MINK1: variants seen among roughly 807,000 people sequenced by gnomAD.
MINK1 encodes the protein misshapen-like kinase 1.
A neutral mutation model predicts 178.4 loss-of-function variants in MINK1; 46 were observed. The observed-to-expected ratio is 0.26, with a 90% confidence interval of 0.20 to 0.33. The LOEUF is 0.33. Among genes scored for constraint, MINK1 ranks in the 10% least tolerant of loss-of-function variants. The pLI, the probability that MINK1 is intolerant of heterozygous loss-of-function variation, is 1.00. For missense variants in MINK1, 1,366 were observed against 1,814.9 expected, an observed-to-expected ratio of 0.75 and a Z score of 4.49; for synonymous variants, 797 against 709.7, an observed-to-expected ratio of 1.12 and a Z score of -1.96.
Position 4,847,177 on chromosome 17 carries a change from T to C in MINK1, c.57+13537T>C, listed in dbSNP as rs1440722543. On this transcript the variant is annotated intron_variant, in intron 1 of 31. Transcript: ENST00000355280. ...TTTGCCTTTGAGGCAATGTGATCCA[T>C]GGAGTGAACATGGCATGAGGAGCCG... is the stretch of plus-strand genomic sequence containing the variant. The C allele has an allele frequency of 6.2e-6, 3 of 485,090 alleles. 1 individual carries two copies. In the Admixed American group the frequency reaches 6.4e-5, roughly 10 times the overall value. The allele number at this position is 485,090 out of a possible 1,614,324, so 30.0% of individuals were successfully genotyped here. A position where few individuals can be genotyped will look rare whatever the true frequency, so the allele number is the denominator to read the frequency against.
At chr17:4,869,827 T>TTATTTATG (rs1401606304) in intron 1 of MINK1, among the ~76,000 whole-genome samples, 1 of 149,482 alleles carries the variant, frequency 6.7e-6, no homozygotes, top group Non-Finnish European at 1.5e-5. Flanking sequence ...ATTTGTTTAT[T>TTATTTATG]TATTTATTTA....
rs1423552144 is a variant in MINK1 at position 4,896,213 on chromosome 17, C to G, written c.3486C>G (p.His1162Gln). The change falls in exon 29 of 32, where the codon CAC becomes CAG. Residue 1162 changes from histidine (H) to glutamine (Q), a missense_variant. Transcript: ENST00000355280. This position sits in a 1 kb window ranked among gnomAD's most constrained non-coding sequence, Gnocchi z 4.6. ...MAFKSFADLP[H>Q]RPLLVDLTVE... The stretch of plus-strand genomic sequence containing the variant: ...TGCAGTCCTTTGCCGACCTCCCCCA[C>G]CGCCCTCTGCTGGTCGACCTGACAG... The G allele has an allele frequency of 5.0e-6, 8 of 1,599,328 alleles. No homozygotes were observed. In the East Asian group the frequency reaches 1.8e-4, roughly 36 times the overall value.
intron 19 of MINK1, 66 bp downstream of exon 19, chr17:4,892,834 T>C: frequency 2.7e-6 from 4 of 1,477,032 alleles, no homozygotes; most frequent in Non-Finnish European, 3.7e-6. Flanking sequence ...ACCCTGCCTT[T>C]GGTGGCTTTG....
rs769863519 is a variant in MINK1 at position 4,896,645 on chromosome 17, C to T, written c.3776-29C>T. On this transcript the variant is annotated intron_variant, in intron 30 of 31. Coordinates refer to ENST00000355280, the MANE Select transcript of MINK1 (RefSeq NM_153827.5). This position sits in a 1 kb window ranked among gnomAD's most constrained non-coding sequence, Gnocchi z 4.6. ...CCCCGAGGTGGCCCCGGGGTGCAGC[C>T]TGCTCAGCCCCTCACCTGTTCCCCA... is the stretch of plus-strand genomic sequence containing the variant. 12 of 1,607,734 alleles carry T rather than the reference C, an allele frequency of 7.5e-6. No homozygotes were observed. Among genetic ancestry groups the T allele is most frequent in the South Asian group, 2.2e-5 (2 of 90,296 alleles).
chr17:4,848,132 G>A (rs972646039), intron 1 of MINK1, among the ~76,000 whole-genome samples: 6 of 152,144 alleles, frequency 3.9e-5, no homozygotes, highest in African/African-American at 7.2e-5. Flanking sequence ...CTCCAGAGAC[G>A]GTTTCCTGAG....
Position 4,886,700 on chromosome 17 carries a change from C to T in MINK1, c.949+74C>T, listed in dbSNP as rs1968241072. Reference sequence around the variant, plus strand: ...GGCTCCTCTCTGCCAGCCCTGCTCGCTCCTGGCACCCCTTCCTGCTCCCCT... The same window carrying T: ...GGCTCCTCTCTGCCAGCCCTGCTCGTTCCTGGCACCCCTTCCTGCTCCCCT... On this transcript the variant is annotated intron_variant, in intron 10 of 31. Coordinates refer to ENST00000355280, the MANE Select transcript of MINK1 (RefSeq NM_153827.5). The surrounding 1 kb of genome is among the most constrained non-coding windows in gnomAD (Gnocchi z 6.1). 1.4e-6 allele frequency: 2 copies of T among 1,414,480 alleles called. No individual in the cohort carries two copies. Among genetic ancestry groups the T allele is most frequent in the Non-Finnish European group, 1.9e-6 (2 of 1,069,412 alleles). 87.6% of individuals were successfully genotyped at this position (1,414,480 alleles called of 1,614,324 possible).
intron 16 of MINK1, 130 bp from the exon 17 acceptor site, chr17:4,892,019 A>C: frequency 1.2e-6 from 1 of 825,762 alleles, no homozygotes; most frequent in Non-Finnish European, 2.0e-6. Flanking sequence ...GGACGTATTC[A>C]CTAACTCCCC....
At chr17:4,862,015 C>T (rs1050926851) in intron 1 of MINK1, among the ~76,000 whole-genome samples, 7 of 152,072 alleles carry the variant, frequency 4.6e-5, no homozygotes, top group African/African-American at 1.2e-4. Context: ...AGTGTGAGGC[C>T]GCCTAATTCT....
At chr17:4,837,289 A>G (rs1909457658) in intron 1 of MINK1, among the ~76,000 whole-genome samples, 1 of 152,206 alleles carries the variant, frequency 6.6e-6, no homozygotes, top group Non-Finnish European at 1.5e-5. Flanking sequence ...TTTTGCACAT[A>G]ATGGGGGCTC....
intron 1 of MINK1, among the ~76,000 whole-genome samples, chr17:4,872,582 C>G (rs1915982642): frequency 6.6e-6 from 1 of 152,024 alleles, no homozygotes. Flanking sequence ...ACCAGTTTGA[C>G]CAACATGGTA....
At chr17:4,891,225 C>CACA (rs1555541451) in intron 15 of MINK1, 101 bp downstream of exon 15, 128 of 1,153,934 alleles carry the variant, frequency 1.1e-4, no homozygotes, top group Non-Finnish European at 1.4e-4. Flanking sequence ...CACACACACA[C>CACA]CTGCTCAGCC....
At chr17:4,870,611 A>G (rs931979299) in intron 1 of MINK1, among the ~76,000 whole-genome samples, 1 of 151,650 alleles carries the variant, frequency 6.6e-6, no homozygotes, top group Non-Finnish European at 1.5e-5. Flanking sequence ...GATCACTTGA[A>G]CTCAGGAGTT....
intron 1 of MINK1, among the ~76,000 whole-genome samples, chr17:4,857,956 TG>T (rs1012004961): frequency 1.1e-4 from 16 of 152,094 alleles, no homozygotes; most frequent in African/African-American, 3.9e-4. Context: ...CTTAAATTGT[TG>T]GGGAGACCCC....
At chr17:4,888,034 G>A (rs1039973334) in intron 12 of MINK1, among the ~76,000 whole-genome samples, 1 of 152,156 alleles carries the variant, frequency 6.6e-6, no homozygotes, top group Non-Finnish European at 1.5e-5. Context: ...TGGCCAACAT[G>A]GTGAAACCCC....
At chr17:4,884,855 T>TA in intron 5 of MINK1, 57 bp from the exon 6 acceptor site, 1 of 1,489,506 alleles carries the variant, frequency 6.7e-7, no homozygotes, top group South Asian at 1.2e-5. Flanking sequence ...ACTCCCCACT[T>TA]ACTCTTTCCT....
At chr17:4,851,709 T>G (rs1911985529) in intron 1 of MINK1, among the ~76,000 whole-genome samples, 2 of 152,078 alleles carry the variant, frequency 1.3e-5, no homozygotes, top group Admixed American at 1.3e-4. Context: ...CTTAAGAAAG[T>G]CCACTCTCGG....
At chr17:4,858,787 G>A (rs1484948479) in intron 1 of MINK1, among the ~76,000 whole-genome samples, 2 of 152,134 alleles carry the variant, frequency 1.3e-5, no homozygotes, top group Non-Finnish European at 2.9e-5. Context: ...TCTATCACAG[G>A]TTTCTCAGAA....
intron 1 of MINK1, among the ~76,000 whole-genome samples, chr17:4,874,894 G>A (rs1035937687): frequency 2.6e-5 from 4 of 152,278 alleles, no homozygotes; most frequent in African/African-American, 9.6e-5. Flanking sequence ...GAAGGAGACA[G>A]ATTGGGAGTC....
chr17:4,853,713 T>C (rs191468660), intron 1 of MINK1, among the ~76,000 whole-genome samples: 2 of 152,106 alleles, frequency 1.3e-5, no homozygotes, highest in East Asian at 3.9e-4. Flanking sequence ...AGGCAGCAAC[T>C]GTGAGAGGAT....
Sources: gnomAD v4.1 joint callset for allele counts (sites outside exome capture counted in the v4.1 genomes callset) on GRCh38, gnomAD v4.1.1 for gene constraint, Gnocchi (gnomAD v3.1) non-coding constraint, MANE v1.5 for transcripts, NCBI Gene and HGNC (gene_info 2026-07-23, HGNC 2026-07-21) for gene names.